Variants in RIMS2 observed in about 807,000 individuals in gnomAD.
RIMS2 encodes regulating synaptic membrane exocytosis protein 2.
RIMS2 carries 59 observed loss-of-function variants against 174.4 expected under a neutral mutation model. The ratio of observed to expected loss-of-function variants is 0.34; its 90% CI spans 0.27 to 0.42. RIMS2 has a LOEUF of 0.42. RIMS2 is among the 10% of genes least tolerant of loss of function. The pLI, the probability that RIMS2 is intolerant of heterozygous loss-of-function variation, is 1.00. For synonymous variants in RIMS2, 606 were observed against 572.5 expected (o/e 1.06, Z -0.84); for missense variants, 1,620 against 1,666.3 (o/e 0.97, Z 0.48).
intron 17 of RIMS2, among the ~76,000 whole-genome samples, chr8:104,003,323 A>G (rs2095458586): frequency 6.6e-6 from 1 of 152,178 alleles, no homozygotes; most frequent in Admixed American, 6.5e-5. Flanking sequence ...AGTAATAAAT[A>G]TCGTATTTTA....
At chr8:104,145,996 T>C (rs1412810375) in intron 19 of RIMS2, among the ~76,000 whole-genome samples, 1 of 151,978 alleles carries the variant, frequency 6.6e-6, no homozygotes, top group Non-Finnish European at 1.5e-5. Context: ...CTAGTGCTAC[T>C]ATTCATAAAC....
chr8:103,556,882 A>G (rs1322284022), intron 1 of RIMS2, among the ~76,000 whole-genome samples: 2 of 152,122 alleles, frequency 1.3e-5, no homozygotes, highest in East Asian at 1.9e-4. Flanking sequence ...ATTTGTTGCA[A>G]CATTATAGCA....
rs150975333 is a variant in RIMS2, at chr8:104,226,875, C to G, written c.3335-18041C>G. ...AAAATCTGTCTTTGAAATTTATAAT[C>G]TAATTACTCTATATGTTGCTTCTTC... On this transcript the variant is annotated intron_variant, in intron 19 of 23. Transcript: ENST00000504942. 3.6e-3 allele frequency among the ~76,000 whole-genome samples: 550 copies of G among 152,246 alleles called. 1 individual carries two copies. The highest frequency in any genetic ancestry group is 0.012 in the African/African-American group (514 of 41,546).
chr8:104,068,538 C>A (rs565054494), intron 19 of RIMS2: 2 of 1,555,666 alleles, frequency 1.3e-6, no homozygotes, highest in Admixed American at 1.7e-5. Context: ...GGAGAGAAAT[C>A]GCCAAATGAA....
chr8:103,591,079 T>C (rs1460786338), intron 1 of RIMS2, among the ~76,000 whole-genome samples: 1 of 150,878 alleles, frequency 6.6e-6, no homozygotes, highest in Non-Finnish European at 1.5e-5. Flanking sequence ...GCCCTCTCTA[T>C]GTTCACTAAC....
chr8:104,248,760 G>A, exon 21 of RIMS2: 1 of 1,613,556 alleles, frequency 6.2e-7, no homozygotes. Flanking sequence ...TTCCTGGATG[G>A]CCTTGGCCCT....
chr8:104,080,120 C>G (rs926188998), intron 19 of RIMS2, among the ~76,000 whole-genome samples: 2 of 151,938 alleles, frequency 1.3e-5, no homozygotes, highest in Non-Finnish European at 2.9e-5. Flanking sequence ...GAAGATTGGG[C>G]TTCTAACTTT....
rs73284458 is a variant in RIMS2, at chr8:103,611,320, T to G, written c.177-85766T>G. Among the ~76,000 whole-genome samples the G allele has an allele frequency of 5.0e-3, 763 of 152,284 alleles. 8 individuals carry two copies. Among genetic ancestry groups the G allele is most frequent in the African/African-American group, 0.017 (723 of 41,564 alleles). ...ATTATTATTTTCATGGTTCATCACT[T>G]AGTCTTTCTTCTTAAGAGGAGTTGA... On this transcript the variant is annotated intron_variant, in intron 1 of 23. Transcript: ENST00000504942.
chr8:103,833,512 G>A (rs2154480674), intron 3 of RIMS2, among the ~76,000 whole-genome samples: 2 of 151,742 alleles, frequency 1.3e-5, no homozygotes, highest in South Asian at 2.1e-4. Flanking sequence ...TCAGTTATTT[G>A]TATTTCAGAC....
At chr8:103,594,378 G>T (rs998735238) in intron 1 of RIMS2, among the ~76,000 whole-genome samples, 9 of 151,478 alleles carry the variant, frequency 5.9e-5, no homozygotes, top group Non-Finnish European at 1.3e-4. Context: ...TTTCATTCAG[G>T]CATGAATCAT....
intron 1 of RIMS2, among the ~76,000 whole-genome samples, chr8:103,619,038 A>G (rs539184426): frequency 1.3e-5 from 2 of 151,582 alleles, no homozygotes; most frequent in East Asian, 1.9e-4. Context: ...CCTGAAGCCA[A>G]TCCACTCCTG....
chr8:103,674,807 T>C (rs2096787389), intron 1 of RIMS2, among the ~76,000 whole-genome samples: 2 of 152,158 alleles, frequency 1.3e-5, no homozygotes, highest in African/African-American at 4.8e-5. Flanking sequence ...TAGAATTATG[T>C]TTTCTCAAAT....
At chr8:103,841,060 A>G (rs1481363140) in intron 3 of RIMS2, among the ~76,000 whole-genome samples, 1 of 152,180 alleles carries the variant, frequency 6.6e-6, no homozygotes, top group Non-Finnish European at 1.5e-5. Flanking sequence ...TTTCATGGAT[A>G]AAGTCTCCAG....
chr8:103,550,658 G>A (rs2131574772), intron 1 of RIMS2, among the ~76,000 whole-genome samples: 1 of 152,126 alleles, frequency 6.6e-6, no homozygotes, highest in East Asian at 1.9e-4. Context: ...AAAAATCAAT[G>A]TATCTAGGAG....
intron 3 of RIMS2, among the ~76,000 whole-genome samples, chr8:103,838,058 C>T (rs1384507570): frequency 2.0e-5 from 3 of 151,906 alleles, no homozygotes; most frequent in East Asian, 1.9e-4. Flanking sequence ...GTGATTCTAC[C>T]GCCTCAGGCC....
chr8:103,542,125 C>T (rs1403021029), intron 1 of RIMS2, among the ~76,000 whole-genome samples: 1 of 151,950 alleles, frequency 6.6e-6, no homozygotes, highest in Non-Finnish European at 1.5e-5. Flanking sequence ...AGAGAAGACT[C>T]CATTAAATGA....
intron 1 of RIMS2, among the ~76,000 whole-genome samples, chr8:103,600,766 C>G (rs1184962550): frequency 6.6e-6 from 1 of 152,122 alleles, no homozygotes; most frequent in Non-Finnish European, 1.5e-5. Context: ...TTTTGAGGAA[C>G]CTGGAAACTG....
intron 1 of RIMS2, among the ~76,000 whole-genome samples, chr8:103,689,566 G>A (rs1239743369): frequency 6.6e-6 from 1 of 151,932 alleles, no homozygotes; most frequent in African/African-American, 2.4e-5. Context: ...ATTTATAATT[G>A]TTATATACTT....
chr8:103,733,569 G>A, intron 2 of RIMS2, among the ~76,000 whole-genome samples: 1 of 152,186 alleles, frequency 6.6e-6, no homozygotes, highest in East Asian at 1.9e-4. Context: ...ATGGTGGTGA[G>A]GCTTGTCTGA....
Sources: allele counts gnomAD v4.1 joint callset (sites outside exome capture counted in the v4.1 genomes callset), GRCh38; gene constraint gnomAD v4.1.1; transcripts MANE v1.5; gene names NCBI Gene and HGNC (gene_info 2026-07-23, HGNC 2026-07-21).